Variants in KATNAL1 observed in about 807,000 individuals in gnomAD.
KATNAL1 encodes the protein katanin catalytic subunit A1 like 1, also known as katanin p60 ATPase-containing subunit A-like 1.
Under a neutral mutation model 55.2 loss-of-function variants are expected in KATNAL1, and 32 were observed. The observed-to-expected ratio is 0.58, with a 90% CI of 0.44 to 0.78. KATNAL1 has a LOEUF of 0.78. KATNAL1 is among the 30% of genes least tolerant of loss of function. The probability of loss-of-function intolerance (pLI) is 0.00; values close to 1 mark genes in which losing one functional copy is unlikely to be tolerated. For missense variants in KATNAL1, 466 were observed against 600.9 expected, an observed-to-expected ratio of 0.78 and a Z score of 2.35; for synonymous variants, 193 against 193.6, an observed-to-expected ratio of 1.00 and a Z score of 0.02.
chr13:30,301,995 C>T (rs1882886397), intron 1 of KATNAL1, among the ~76,000 whole-genome samples: 2 of 152,184 alleles, frequency 1.3e-5, no homozygotes, highest in South Asian at 4.1e-4. Context: ...CCTCAGCCTC[C>T]TGAGTAGCTG....
At chr13:30,241,187 T>TAAAAA in intron 4 of KATNAL1, 101 bp from the exon 5 acceptor site, 1 of 1,077,630 alleles carries the variant, frequency 9.3e-7, no homozygotes, top group Non-Finnish European at 1.3e-6. Context: ...TTCTAAATAA[T>TAAAAA]TTTTATTATT....
intron 3 of KATNAL1, among the ~76,000 whole-genome samples, chr13:30,265,833 A>C (rs539844188): frequency 6.6e-6 from 1 of 151,236 alleles, no homozygotes; most frequent in Non-Finnish European, 1.5e-5. Flanking sequence ...CAACATGGGG[A>C]AACTCCGTCT....
intron 4 of KATNAL1, among the ~76,000 whole-genome samples, 197 bp downstream of exon 4, chr13:30,255,250 A>G (rs1878675254): frequency 6.6e-6 from 1 of 152,218 alleles, no homozygotes; most frequent in South Asian, 2.1e-4. Context: ...GTGTATATAG[A>G]TATTTACTAC....
At chr13:30,285,401 T>C (rs976095893) in intron 1 of KATNAL1, among the ~76,000 whole-genome samples, 10 of 152,160 alleles carry the variant, frequency 6.6e-5, no homozygotes, top group African/African-American at 2.4e-4. Flanking sequence ...CTTGTGATAA[T>C]GAGTAAGTCT....
intron 6 of KATNAL1, among the ~76,000 whole-genome samples, chr13:30,234,407 T>G (rs886397197): frequency 1.3e-5 from 2 of 152,174 alleles, no homozygotes; most frequent in African/African-American, 4.8e-5. Flanking sequence ...TAATGGTCAC[T>G]CTTCAGTTGC....
chr13:30,242,791 G>C (rs2388502), intron 4 of KATNAL1, among the ~76,000 whole-genome samples: 2 of 151,910 alleles, frequency 1.3e-5, no homozygotes, highest in Non-Finnish European at 2.9e-5. Flanking sequence ...CTTGAATACC[G>C]ATCGAGGACT....
At chr13:30,258,048 G>A (rs1566111512) in intron 3 of KATNAL1, among the ~76,000 whole-genome samples, 1 of 152,148 alleles carries the variant, frequency 6.6e-6, no homozygotes, top group African/African-American at 2.4e-5. Flanking sequence ...TCTTTTACTA[G>A]TCTCTCTGTA....
chr13:30,217,386 G>A (rs992579209), intron 9 of KATNAL1, among the ~76,000 whole-genome samples: 1 of 152,100 alleles, frequency 6.6e-6, no homozygotes, highest in East Asian at 1.9e-4. Flanking sequence ...CTCAGGGGGC[G>A]GAGCTTGCAG....
At chr13:30,234,098 T>G (rs1876399130) in intron 6 of KATNAL1, among the ~76,000 whole-genome samples, 1 of 152,196 alleles carries the variant, frequency 6.6e-6, no homozygotes. Flanking sequence ...TTAAAGGTGG[T>G]GGATATCCCA....
At position 30,210,431 on chromosome 13, in the gene KATNAL1, C is replaced by T. The variant is rs762231119; in HGVS notation, c.1159G>A (p.Ala387Thr). ...YIPLPTAKGR[A>T]ELLKINLREV... ...CGAAGGTTGATCTTCAGAAGCTCAG[C>T]TCTTCCTTTTGCTGTTACAAGATTT... The change falls in exon 10 of 11, where the codon GCT (alanine) becomes ACT (threonine). Residue 387 changes from alanine to threonine, a missense_variant. By Grantham distance (58) the Ala-to-Thr change is moderately conservative. Transcript: ENST00000380615. 22 of 1,599,166 alleles carry T rather than the reference C, an allele frequency of 1.4e-5. No homozygotes were observed. The African/African-American group carries it at 3.0e-4, about 22-fold the overall frequency.
At chr13:30,285,583 T>C (rs1023774162) in intron 1 of KATNAL1, among the ~76,000 whole-genome samples, 10 of 152,138 alleles carry the variant, frequency 6.6e-5, no homozygotes, top group African/African-American at 2.4e-4. Flanking sequence ...AATTACCCAG[T>C]CTCAAGTTTT....
At chr13:30,228,924 TAA>T (rs1875793838) in intron 8 of KATNAL1, among the ~76,000 whole-genome samples, 1 of 152,084 alleles carries the variant, frequency 6.6e-6, no homozygotes, top group African/African-American at 2.4e-5. Context: ...AGCTACTTTT[TAA>T]AGTTTTTGCT....
intron 9 of KATNAL1, among the ~76,000 whole-genome samples, chr13:30,221,583 C>A (rs899197898): frequency 5.9e-5 from 9 of 152,198 alleles, no homozygotes; most frequent in Admixed American, 3.9e-4. Context: ...TTATCCATTT[C>A]TGAATAAAAA....
At chr13:30,296,634 G>T (rs1035912638) in intron 1 of KATNAL1, 2 of 695,272 alleles carry the variant, frequency 2.9e-6, no homozygotes, top group African/African-American at 3.5e-5. Flanking sequence ...CCAGTACACG[G>T]ACGAGCACAG....
chr13:30,257,602 T>C (rs1294287952), intron 3 of KATNAL1, among the ~76,000 whole-genome samples: 1 of 152,200 alleles, frequency 6.6e-6, no homozygotes, highest in East Asian at 1.9e-4. Context: ...TGCGATTCAA[T>C]GGCCGCCTAG....
chr13:30,265,736 C>T (rs911538820), intron 3 of KATNAL1, among the ~76,000 whole-genome samples: 3 of 149,892 alleles, frequency 2.0e-5, no homozygotes, highest in Middle Eastern at 3.4e-3. Flanking sequence ...CTTGGCCAGG[C>T]GTGGTGGCTC....
chr13:30,274,897 GCGCGCGCGCGCA>G (rs1253389641), intron 3 of KATNAL1, among the ~76,000 whole-genome samples: 25 of 104,036 alleles, frequency 2.4e-4, no homozygotes, highest in South Asian at 1.3e-3. Flanking sequence ...ACATACGCGC[GCGCGCGCGCGCA>G]CACACACACA....
intron 3 of KATNAL1, among the ~76,000 whole-genome samples, chr13:30,257,898 T>C (rs969768490): frequency 1.3e-5 from 2 of 152,228 alleles, no homozygotes; most frequent in African/African-American, 4.8e-5. Context: ...TGTAACAGAC[T>C]CTGTGGACTT....
chr13:30,257,269 CT>C (rs1878875222), intron 3 of KATNAL1, among the ~76,000 whole-genome samples: 1 of 151,926 alleles, frequency 6.6e-6, no homozygotes, highest in Non-Finnish European at 1.5e-5. Flanking sequence ...AATGTCTTTC[CT>C]GAGTCAGATT....
Sources: gnomAD v4.1 joint callset for allele counts (sites outside exome capture counted in the v4.1 genomes callset) on GRCh38, gnomAD v4.1.1 for gene constraint, MANE v1.5 for transcripts, NCBI Gene and HGNC (gene_info 2026-07-23, HGNC 2026-07-21) for gene names.